DAB1: variants seen among roughly 807,000 people sequenced by gnomAD.
The protein encoded by DAB1 is disabled homolog 1.
Under a neutral mutation model 64.6 loss-of-function variants are expected in DAB1, and 15 were observed. The observed-to-expected ratio is 0.23, with a 90% CI of 0.16 to 0.36. The LOEUF (loss-of-function observed/expected upper bound fraction) is 0.36. DAB1 is among the 10% of genes least tolerant of loss of function. The probability of loss-of-function intolerance (pLI) is 1.00; values close to 1 mark genes in which losing one functional copy is unlikely to be tolerated. For missense variants in DAB1, 596 were observed against 706.7 expected, an observed-to-expected ratio of 0.84 and a Z score of 1.78; for synonymous variants, 235 against 251.9, an observed-to-expected ratio of 0.93 and a Z score of 0.64.
intron 6 of DAB1, among the ~76,000 whole-genome samples, chr1:57,656,348 G>C (rs1250892049): frequency 7.2e-6 from 1 of 138,126 alleles, no homozygotes; most frequent in Non-Finnish European, 1.6e-5. Context: ...TGGTGCAAAA[G>C]TAATTGTGTG....
At chr1:57,098,993 C>T (rs917840395) in intron 4 of DAB1, among the ~76,000 whole-genome samples, 5 of 152,176 alleles carry the variant, frequency 3.3e-5, no homozygotes, top group Admixed American at 6.5e-5. Context: ...TGGGACAATT[C>T]GTTTCTCAGA....
intron 6 of DAB1, among the ~76,000 whole-genome samples, chr1:57,705,567 T>C (rs1186948200): frequency 6.6e-6 from 1 of 152,160 alleles, no homozygotes. Context: ...TTCTTTTCTA[T>C]TCTTTTAATA....
At chr1:58,352,541 G>A (rs1644068103) in intron 3 of DAB1, among the ~76,000 whole-genome samples, 1 of 151,998 alleles carries the variant, frequency 6.6e-6, no homozygotes, top group Admixed American at 6.6e-5. Context: ...CAGCTAATAG[G>A]GGTAGGTCTA....
At chr1:58,418,790 G>T (rs765827837) in intron 3 of DAB1, among the ~76,000 whole-genome samples, 1 of 152,108 alleles carries the variant, frequency 6.6e-6, no homozygotes, top group Non-Finnish European at 1.5e-5. Context: ...AAGTTTAGCT[G>T]AACATAAGTT....
intron 5 of DAB1, among the ~76,000 whole-genome samples, chr1:57,908,825 G>T (rs1394376058): frequency 1.3e-5 from 2 of 152,196 alleles, no homozygotes; most frequent in African/African-American, 4.8e-5. Flanking sequence ...AATCATGGAG[G>T]CATATGGTTT....
intron 1 of DAB1, among the ~76,000 whole-genome samples, chr1:57,382,356 T>TGG (rs986330057): frequency 6.6e-6 from 1 of 152,200 alleles, no homozygotes; most frequent in Non-Finnish European, 1.5e-5. Flanking sequence ...CTCCCAATGT[T>TGG]GGTTGATCTG....
At chr1:58,387,931 G>A (rs1644447263) in intron 3 of DAB1, among the ~76,000 whole-genome samples, 1 of 152,026 alleles carries the variant, frequency 6.6e-6, no homozygotes, top group Non-Finnish European at 1.5e-5. Flanking sequence ...GTTTCACCAT[G>A]TTAGCCAGGA....
intron 11 of DAB1, among the ~76,000 whole-genome samples, chr1:57,018,918 C>T (rs1646522160): frequency 2.0e-5 from 3 of 152,284 alleles, no homozygotes; most frequent in East Asian, 3.9e-4. Context: ...TCTCTGCTGG[C>T]CCATCTGCCT....
intron 7 of DAB1, among the ~76,000 whole-genome samples, chr1:57,498,170 T>A (rs1444635355): frequency 6.6e-6 from 1 of 152,244 alleles, no homozygotes; most frequent in Non-Finnish European, 1.5e-5. Flanking sequence ...GACCAGATCA[T>A]GAATCCTGTT....
intron 4 of DAB1, among the ~76,000 whole-genome samples, chr1:58,239,634 C>T (rs1163099231): frequency 9.2e-5 from 14 of 152,126 alleles, no homozygotes; most frequent in South Asian, 2.1e-4. Flanking sequence ...GGACCCTTTT[C>T]GCAAGAGGTC....
At chr1:58,371,658 GC>G (rs906201546) in intron 3 of DAB1, among the ~76,000 whole-genome samples, 27 of 152,294 alleles carry the variant, frequency 1.8e-4, no homozygotes, top group African/African-American at 6.5e-4. Flanking sequence ...AGGCCCAGAG[GC>G]ATAGGAGGGA....
chr1:57,025,956 G>A, intron 10 of DAB1, 25 bp downstream of exon 10: 2 of 1,538,330 alleles, frequency 1.3e-6, no homozygotes, highest in Non-Finnish European at 1.7e-6. Context: ...CAGAGAGCAG[G>A]GTTCAGAGAG....
chr1:58,335,145 A>G (rs1340152752), intron 4 of DAB1, among the ~76,000 whole-genome samples: 2 of 152,216 alleles, frequency 1.3e-5, no homozygotes, highest in Non-Finnish European at 2.9e-5. Flanking sequence ...TTGAGCAAAG[A>G]CTTGACTAAA....
chr1:57,707,116 T>C (rs979098456), intron 6 of DAB1, among the ~76,000 whole-genome samples: 6 of 151,826 alleles, frequency 4.0e-5, no homozygotes, highest in African/African-American at 1.2e-4. Context: ...AAAAAACAGA[T>C]ATATTCTATC....
chr1:57,021,903 C>T (rs1180703857), intron 11 of DAB1, among the ~76,000 whole-genome samples: 1 of 152,166 alleles, frequency 6.6e-6, no homozygotes, highest in African/African-American at 2.4e-5. Context: ...GTCACCTAGG[C>T]AAGAGCCCCT....
rs200022408 is a variant in DAB1 at position 57,941,194 on chromosome 1, C to T, written n.388-57032G>A. 5.3e-5 allele frequency among the ~76,000 whole-genome samples: 8 copies of T among 152,262 alleles called. No homozygotes were observed. In the South Asian group the frequency reaches 6.2e-4, roughly 12 times the overall value. On this transcript the variant is annotated intron_variant and non_coding_transcript_variant, in intron 5 of 20. Coordinates refer to the DAB1 transcript ENST00000485760. ...AGGGTTCCCAAGTTGTGGACTCAAGCGCAGATTTGGGTCTCACAGCAATAA... is the reference window on the plus strand; with the variant it reads ...AGGGTTCCCAAGTTGTGGACTCAAGTGCAGATTTGGGTCTCACAGCAATAA...
At chr1:57,587,899 C>G (rs1645399625) in intron 7 of DAB1, among the ~76,000 whole-genome samples, 1 of 152,164 alleles carries the variant, frequency 6.6e-6, no homozygotes, top group Non-Finnish European at 1.5e-5. Context: ...ACCATTAAGT[C>G]CCATTTTGAT....
At chr1:57,834,227 G>A (rs973032584) in intron 1 of DAB1, among the ~76,000 whole-genome samples, 2 of 152,074 alleles carry the variant, frequency 1.3e-5, no homozygotes, top group Non-Finnish European at 2.9e-5. Context: ...AGAAATGGCT[G>A]GTGTGAAGTA....
intron 7 of DAB1, among the ~76,000 whole-genome samples, chr1:57,469,284 G>T (rs991438222): frequency 2.0e-5 from 3 of 152,154 alleles, no homozygotes; most frequent in Admixed American, 6.5e-5. Flanking sequence ...TTAGGTAAGC[G>T]GTTCACACAC....
Sources: gnomAD v4.1 joint callset for allele counts (sites outside exome capture counted in the v4.1 genomes callset) on GRCh38, gnomAD v4.1.1 for gene constraint, MANE v1.5 for transcripts, NCBI Gene and HGNC (gene_info 2026-07-23, HGNC 2026-07-21) for gene names.